Variants in ZNF83 observed in about 807,000 individuals in gnomAD.
ZNF83 encodes the protein zinc finger protein 816B.
For synonymous variants in ZNF83, 209 were observed against 213.0 expected, an observed-to-expected ratio of 0.98 and a Z score of 0.17; for missense variants, 552 against 629.9, an observed-to-expected ratio of 0.88 and a Z score of 1.32.
At chr19:52,619,258 T>G (rs10405302) in intron 2 of ZNF83, among the ~76,000 whole-genome samples, 107,240 of 152,016 alleles carry the variant, frequency 0.71, 38,332 homozygotes, top group African/African-American at 0.83. Flanking sequence ...TACCCTCTTG[T>G]TATAAATTTA....
intron 2 of ZNF83, among the ~76,000 whole-genome samples, chr19:52,624,778 T>C (rs781426130): frequency 6.6e-6 from 1 of 152,168 alleles, no homozygotes; most frequent in South Asian, 2.1e-4. Flanking sequence ...CCTAATACTT[T>C]TAGAGGCCCT....
In ZNF83 at chr19:52,677,329, A is replaced by AAAAAAAAAAT. The variant is rs1555791128; in HGVS notation, c.-283+13113_-283+13114insATTTTTTTTT. Among the ~76,000 whole-genome samples, 12 of 129,106 alleles carry AAAAAAAAAAT rather than the reference A, an allele frequency of 9.3e-5. No individual in the cohort carries two copies. In the East Asian group the frequency reaches 1.1e-3, roughly 12 times the overall value. 84.7% of individuals were successfully genotyped at this position (129,106 alleles called of 152,430 possible). On this transcript the variant is annotated intron_variant, in intron 1 of 5. Coordinates refer to the ZNF83 transcript ENST00000594682. ...AGTAAAAAAAAAAAAAAAAAAAAAAAACAAAAATTAGCCGGGTGTGGTGGT... is the reference window on the plus strand; with the variant it reads ...AGTAAAAAAAAAAAAAAAAAAAAAAAAAAAAAAAATACAAAAATTAGCCGGGTGTGGTGGT...
chr19:52,689,145 T>A (rs2062099775), intron 1 of ZNF83, among the ~76,000 whole-genome samples: 1 of 152,220 alleles, frequency 6.6e-6, no homozygotes, highest in African/African-American at 2.4e-5. Context: ...TGTCACTGTA[T>A]AATTAACTGC....
chr19:52,668,185 A>G (rs980485650), intron 1 of ZNF83, among the ~76,000 whole-genome samples: 1 of 152,126 alleles, frequency 6.6e-6, no homozygotes, highest in African/African-American at 2.4e-5. Context: ...CGTTCTCATC[A>G]AAGGATGGAA....
Position 52,618,977 on chromosome 19 carries a change from C to T in ZNF83, c.-233-4180G>A. 5 of 1,548,246 alleles carry T rather than the reference C, an allele frequency of 3.2e-6. 1 individual carries two copies. The highest frequency in any genetic ancestry group is 4.4e-6 in the Non-Finnish European group (5 of 1,129,558). ...CCTATAATTCTCCAACATCACATCT[C>T]TGTATAGAGTCCTCTGAGCAGGGTC... On this transcript the variant is annotated intron_variant, in intron 2 of 2. Coordinates refer to ENST00000301096, the Ensembl canonical transcript of ZNF83.
chr19:52,654,195 T>C, intron 3 of ZNF83: 3 of 1,598,250 alleles, frequency 1.9e-6, no homozygotes, highest in South Asian at 2.2e-5. Flanking sequence ...CAGTCAACTT[T>C]TTGATTTTTG....
chr19:52,655,653 A>G, exon 3 of ZNF83: 3 of 1,350,378 alleles, frequency 2.2e-6, no homozygotes, highest in Non-Finnish European at 3.2e-6. Context: ...CTCCAAAGAG[A>G]ATTCTATAGC....
chr19:52,687,594 AT>A lies in ZNF83; in HGVS notation c.-283+2848del, dbSNP rs2062057945. Among the ~76,000 whole-genome samples the A allele has an allele frequency of 1.0e-4, 4 of 38,268 alleles. 1 individual carries two copies. The allele number at this position is 38,268 out of a possible 152,430, so 25.1% of individuals were successfully genotyped here. A position where few individuals can be genotyped will look rare whatever the true frequency, so the allele number is the denominator to read the frequency against. Reference sequence around the variant, plus strand: ...ATATAAATTTTATATATATATATATATAATGTATATATATATAATGTGTATA... The same window carrying A: ...ATATAAATTTTATATATATATATATAAATGTATATATATATAATGTGTATA... On this transcript the variant is annotated intron_variant, in intron 1 of 5. Coordinates refer to the ZNF83 transcript ENST00000594682.
intron 1 of ZNF83, among the ~76,000 whole-genome samples, chr19:52,683,864 T>A (rs527886943): frequency 1.2e-4 from 19 of 152,284 alleles, no homozygotes; most frequent in Non-Finnish European, 1.9e-4. Flanking sequence ...TAGGTGCTGC[T>A]GTTGTCCTGT....
intron 1 of ZNF83, among the ~76,000 whole-genome samples, chr19:52,669,798 C>T (rs2061699318): frequency 6.6e-6 from 1 of 152,118 alleles, no homozygotes; most frequent in African/African-American, 2.4e-5. Context: ...ACCATGCATC[C>T]GTGGGTTGGT....
intron 1 of ZNF83, chr19:52,636,823 T>TG (rs2061163320): frequency 6.8e-6 from 1 of 147,788 alleles, no homozygotes; most frequent in Non-Finnish European, 1.5e-5. Context: ...GCCCGGTTGT[T>TG]TTTTTTTTTT....
chr19:52,627,468 C>T (rs1430438253), intron 2 of ZNF83, among the ~76,000 whole-genome samples: 3 of 152,074 alleles, frequency 2.0e-5, no homozygotes, highest in African/African-American at 7.2e-5. Context: ...TCAAGACCAG[C>T]CTGGCCAATG....
chr19:52,635,491 A>G (rs12460641), intron 1 of ZNF83: 63,097 of 164,434 alleles, frequency 0.38, 12,329 homozygotes, highest in African/African-American at 0.46. Context: ...AGGCTGAGGC[A>G]GGTGGATCGC....
intron 2 of ZNF83, among the ~76,000 whole-genome samples, chr19:52,657,390 C>G (rs1177898710): frequency 6.6e-6 from 1 of 152,084 alleles, no homozygotes; most frequent in East Asian, 1.9e-4. Flanking sequence ...GGGTAGATCA[C>G]TTGAGGTCAG....
intron 2 of ZNF83, among the ~76,000 whole-genome samples, chr19:52,627,008 T>C (rs541321175): frequency 2.0e-5 from 3 of 152,176 alleles, no homozygotes; most frequent in South Asian, 2.1e-4. Flanking sequence ...ACCAACCTTA[T>C]GACTTTCCAT....
At chr19:52,662,342 T>G (rs11669409) in intron 1 of ZNF83, among the ~76,000 whole-genome samples, 119,614 of 151,882 alleles carry the variant, frequency 0.79, 48,015 homozygotes, top group African/African-American at 0.95. Flanking sequence ...AAATGTGCAT[T>G]TGGAGACGCC....
chr19:52,686,457 T>C (rs1183540944), intron 1 of ZNF83, among the ~76,000 whole-genome samples: 2 of 48,454 alleles, frequency 4.1e-5, no homozygotes, highest in Non-Finnish European at 7.4e-5. Context: ...GCAAAAAAAT[T>C]ACATATATAT....
chr19:52,626,451 C>T (rs2060740686), intron 2 of ZNF83, among the ~76,000 whole-genome samples: 1 of 152,154 alleles, frequency 6.6e-6, no homozygotes, highest in Non-Finnish European at 1.5e-5. Flanking sequence ...AAGGATAGAG[C>T]CCAGAAATTT....
upstream of ZNF83, among the ~76,000 whole-genome samples, chr19:52,640,537 T>C (rs999735012): frequency 6.6e-6 from 1 of 152,174 alleles, no homozygotes; most frequent in African/African-American, 2.4e-5. Context: ...AACTCTTTTT[T>C]GTTTTTCTTT....
Sources: allele counts gnomAD v4.1 joint callset (sites outside exome capture counted in the v4.1 genomes callset), GRCh38; gene constraint gnomAD v4.1.1; transcripts MANE v1.5; gene names NCBI Gene and HGNC (gene_info 2026-07-23, HGNC 2026-07-21).